TARBP1: variants seen among roughly 807,000 people sequenced by gnomAD.
The protein encoded by TARBP1 is tRNA (guanosine(18)-2'-O)-methyltransferase TARBP1.
TARBP1 carries 144 observed loss-of-function variants against 178.6 expected under a neutral mutation model. That is an observed-to-expected ratio of 0.81 (90% CI 0.70 to 0.93). The LOEUF is 0.93. Among genes scored for constraint, TARBP1 ranks in the 40% least tolerant of loss-of-function variants. The pLI, the probability that TARBP1 is intolerant of heterozygous loss-of-function variation, is 0.00. For missense variants in TARBP1, 2,067 were observed against 2,011.7 expected (o/e 1.03, Z -0.53); for synonymous variants, 787 against 781.0 (o/e 1.01, Z -0.13).
chr1:234,460,832 A>C (rs1357201747), intron 6 of TARBP1, among the ~76,000 whole-genome samples: 2 of 152,264 alleles, frequency 1.3e-5, no homozygotes, highest in Non-Finnish European at 2.9e-5. Context: ...TGAAATATCT[A>C]TACAGTGAAA....
At chr1:234,443,328 T>G (rs2103188635) in intron 12 of TARBP1, among the ~76,000 whole-genome samples, 1 of 151,620 alleles carries the variant, frequency 6.6e-6, no homozygotes, top group South Asian at 2.1e-4. Flanking sequence ...GGTTTCCTAG[T>G]CTATGCCTCA....
intron 14 of TARBP1, 131 bp from the exon 15 acceptor site, chr1:234,430,432 A>C: frequency 8.3e-6 from 6 of 724,418 alleles, no homozygotes; most frequent in Non-Finnish European, 1.3e-5. Context: ...ATATCAGGAG[A>C]AATAAAAGGA....
rs141696658 is a variant in TARBP1, at chr1:234,418,174, T to C, written c.3615A>G (p.Ala1205=). 1.9e-6 allele frequency: 3 copies of C among 1,552,694 alleles called. No homozygotes were observed. Among genetic ancestry groups the C allele is most frequent in the South Asian group, 1.3e-5 (1 of 78,076 alleles). The part of the protein sequence containing the change: ...IFQAGFTNNQ[A]SIKYFIEWII... ...TCCATTCTATAAAATATTTTATGGA[T>C]GCTTGATTGTTGGTGAAACCAGCCT... Residue 1205 remains alanine (A), a synonymous_variant, in exon 22 of 30, where the codon GCA becomes GCG. Transcript: ENST00000040877.
At chr1:234,476,661 T>A (rs1003710432) in intron 1 of TARBP1, among the ~76,000 whole-genome samples, 1 of 152,234 alleles carries the variant, frequency 6.6e-6, no homozygotes, top group Admixed American at 6.5e-5. Flanking sequence ...GTTTCCTACA[T>A]AGATCACCTG....
At chr1:234,410,851 T>A (rs1661736282) in intron 22 of TARBP1, among the ~76,000 whole-genome samples, 1 of 152,224 alleles carries the variant, frequency 6.6e-6, no homozygotes, top group Non-Finnish European at 1.5e-5. Flanking sequence ...GGCGGGTGGA[T>A]CATTTCAGGC....
At chr1:234,434,447 G>A (rs764727799) in intron 13 of TARBP1, among the ~76,000 whole-genome samples, 30 of 152,182 alleles carry the variant, frequency 2.0e-4, no homozygotes, top group Non-Finnish European at 3.7e-4. Context: ...AGAAGGTAAC[G>A]ATTACAAGAC....
At chr1:234,449,630 A>C (rs960969917) in intron 10 of TARBP1, among the ~76,000 whole-genome samples, 5 of 152,226 alleles carry the variant, frequency 3.3e-5, no homozygotes, top group Non-Finnish European at 5.9e-5. Flanking sequence ...AAAAATACAA[A>C]AGAGAAATGT....
chr1:234,459,531 G>T (rs1320716182), intron 7 of TARBP1, among the ~76,000 whole-genome samples: 1 of 152,058 alleles, frequency 6.6e-6, no homozygotes, highest in Non-Finnish European at 1.5e-5. Context: ...AAGACTATAG[G>T]CCGGGCGCAG....
rs149264457 is a variant in TARBP1 at position 234,398,959 on chromosome 1, C to A, written c.4072-406G>T. ...TCATGACAAGTCTTTTACTCTCGTA[C>A]CCATTAGATAAATTTAGAATCTGAA... On this transcript the variant is annotated intron_variant, in intron 25 of 29. Coordinates refer to ENST00000040877, the MANE Select transcript of TARBP1 (RefSeq NM_005646.4). 1.3e-3 allele frequency among the ~76,000 whole-genome samples: 204 copies of A among 152,314 alleles called. 2 individuals are homozygous for A. The highest frequency in any genetic ancestry group is 4.8e-3 in the African/African-American group (199 of 41,564).
In TARBP1 at chr1:234,418,087, A is replaced by G. The variant is rs1662639796; in HGVS notation, c.3702T>C (p.Ser1234=). Residue 1234 remains serine (S), a synonymous_variant, in exon 22 of 30, where the codon TCT becomes TCC. Coordinates refer to ENST00000040877, the MANE Select transcript of TARBP1 (RefSeq NM_005646.4). ...ATAAAAAATATTCTTTACTTACATA[A>G]GAAAAACAATCCCAGAACTTTGGAA... ...QFLPKFWDCF[S]YGEENLKTSI... The G allele has an allele frequency of 7.5e-7, 1 of 1,336,462 alleles. No individual in the cohort carries two copies. Among genetic ancestry groups the G allele is most frequent in the Non-Finnish European group, 1.0e-6 (1 of 1,000,186 alleles). The allele number at this position is 1,336,462 out of a possible 1,614,324, so 82.8% of individuals were successfully genotyped here.
Position 234,437,272 on chromosome 1 carries a change from T to TA in TARBP1, c.2232+2dup. 1 of 1,428,528 alleles carries TA rather than the reference T, an allele frequency of 7.0e-7. No homozygotes were observed. Among genetic ancestry groups the TA allele is most frequent in the Non-Finnish European group, 9.6e-7 (1 of 1,039,982 alleles). 88.5% of individuals were successfully genotyped at this position (1,428,528 alleles called of 1,614,324 possible). ...AAAGAAAGTTATTCCACTGAATACT[T>TA]ACACTATTTAGCTCATTCATAGTAA... is the stretch of plus-strand genomic sequence containing the variant. On this transcript the variant is annotated splice_region_variant and intron_variant, in intron 13 of 29. Coordinates refer to ENST00000040877, the MANE Select transcript of TARBP1 (RefSeq NM_005646.4).
Position 234,418,074 on chromosome 1 carries a change from C to T in TARBP1, c.3705+10G>A. The T allele has an allele frequency of 8.0e-7, 1 of 1,257,228 alleles. No homozygotes were observed. The highest frequency in any genetic ancestry group is 1.6e-5 in the African/African-American group (1 of 63,200). The allele number at this position is 1,257,228 out of a possible 1,614,324, so 77.9% of individuals were successfully genotyped here. On this transcript the variant is annotated intron_variant, in intron 22 of 29. Transcript: ENST00000040877. ...AGTTTAAAAATATATAAAAAATATT[C>T]TTTACTTACATAAGAAAAACAATCC...
intron 20 of TARBP1, 85 bp from the exon 21 acceptor site, chr1:234,420,897 A>C: frequency 1.2e-6 from 1 of 829,854 alleles, no homozygotes; most frequent in East Asian, 2.7e-5. Context: ...CTTGAAATGT[A>C]AGTGGCTTAA....
chr1:234,429,983 G>T, intron 15 of TARBP1, 104 bp downstream of exon 15: 2 of 1,171,938 alleles, frequency 1.7e-6, no homozygotes, highest in Non-Finnish European at 1.2e-6. Context: ...CCTGAATGGA[G>T]CTTCAGCCCC....
intron 14 of TARBP1, 76 bp downstream of exon 14, chr1:234,433,334 G>T: frequency 7.1e-7 from 1 of 1,400,952 alleles, no homozygotes; most frequent in Non-Finnish European, 9.9e-7. Context: ...TATCAAAATA[G>T]TGTATAAGAA....
chr1:234,465,570 AT>A lies in TARBP1; in HGVS notation c.1301+85del, dbSNP rs1389031184. ...AACTGTCTATTCAGCAACATACTGT[AT>A]GTGCCAAATGCATGAAACAATCTGG... On this transcript the variant is annotated intron_variant, in intron 5 of 29. Transcript: ENST00000040877. The A allele has an allele frequency of 1.3e-5, 16 of 1,248,216 alleles. No individual in the cohort carries two copies. The East Asian group carries it at 3.9e-4, about 30-fold the overall frequency. 77.3% of individuals were successfully genotyped at this position (1,248,216 alleles called of 1,614,324 possible).
intron 1 of TARBP1, among the ~76,000 whole-genome samples, chr1:234,476,861 G>A (rs79584823): frequency 0.017 from 2,550 of 152,312 alleles, 64 homozygotes; most frequent in African/African-American, 0.058. Flanking sequence ...GTTGCAGGAA[G>A]CATGGAAGCA....
chr1:234,467,765 A>G, intron 3 of TARBP1, 115 bp from the exon 4 acceptor site: 1 of 1,117,616 alleles, frequency 8.9e-7, no homozygotes, highest in Non-Finnish European at 1.2e-6. Context: ...TAACACTACA[A>G]GAAGTTTTTG....
chr1:234,452,931 T>G (rs1300208883), intron 9 of TARBP1, among the ~76,000 whole-genome samples: 1 of 151,392 alleles, frequency 6.6e-6, no homozygotes, highest in East Asian at 1.9e-4. Context: ...GAACCTTAAG[T>G]GCATATTACT....
Sources: gnomAD v4.1 joint callset for allele counts (sites outside exome capture counted in the v4.1 genomes callset) on GRCh38, gnomAD v4.1.1 for gene constraint, MANE v1.5 for transcripts, NCBI Gene and HGNC (gene_info 2026-07-23, HGNC 2026-07-21) for gene names.